Variants in KCNQ5 observed in about 807,000 individuals in gnomAD.
KCNQ5 encodes the protein potassium voltage-gated channel subfamily KQT member 5.
Under a neutral mutation model 98.2 loss-of-function variants are expected in KCNQ5, and 30 were observed. The observed-to-expected ratio is 0.31, with a 90% CI of 0.23 to 0.41. The LOEUF (loss-of-function observed/expected upper bound fraction) is 0.41, where lower values mean the gene tolerates loss of function less well. KCNQ5 is among the 10% of genes least tolerant of loss of function. The pLI is 1.00. For synonymous variants in KCNQ5, 458 were observed against 449.4 expected (o/e 1.02, Z -0.24); for missense variants, 835 against 1,182.5 (o/e 0.71, Z 4.31).
intron 5 of KCNQ5, among the ~76,000 whole-genome samples, chr6:73,097,906 G>A (rs1177536524): frequency 6.6e-6 from 1 of 152,074 alleles, no homozygotes; most frequent in Non-Finnish European, 1.5e-5. Flanking sequence ...TCCCAAGGAG[G>A]ATGGCTACAA....
intron 2 of KCNQ5, among the ~76,000 whole-genome samples, chr6:73,030,302 A>G (rs898489407): frequency 6.6e-6 from 1 of 152,214 alleles, no homozygotes; most frequent in Admixed American, 6.5e-5. Flanking sequence ...TTCTGTTAAC[A>G]GGGCCTCCTG....
At chr6:72,636,191 A>G (rs2098924028) in intron 1 of KCNQ5, among the ~76,000 whole-genome samples, 2 of 152,218 alleles carry the variant, frequency 1.3e-5, no homozygotes, top group South Asian at 4.1e-4. Flanking sequence ...TATTATATAA[A>G]AATGCACAAT....
intron 1 of KCNQ5, among the ~76,000 whole-genome samples, chr6:72,721,651 G>C (rs554768556): frequency 6.6e-6 from 1 of 152,296 alleles, no homozygotes; most frequent in South Asian, 2.1e-4. Context: ...AGGAACCTCT[G>C]TGTTATAACA....
At chr6:72,839,911 C>A (rs191676148) in intron 1 of KCNQ5, among the ~76,000 whole-genome samples, 8 of 152,150 alleles carry the variant, frequency 5.3e-5, no homozygotes, top group Admixed American at 3.9e-4. Context: ...CATATCAGTG[C>A]ATGGGTGGTT....
chr6:73,080,251 T>C (rs1475336994), intron 5 of KCNQ5, among the ~76,000 whole-genome samples: 2 of 152,188 alleles, frequency 1.3e-5, no homozygotes, highest in African/African-American at 4.8e-5. Context: ...TCTGCTAATT[T>C]GACTGACATT....
At chr6:72,637,556 T>C (rs757262031) in intron 1 of KCNQ5, among the ~76,000 whole-genome samples, 3 of 152,166 alleles carry the variant, frequency 2.0e-5, no homozygotes, top group Admixed American at 6.5e-5. Flanking sequence ...GTTAGAAATG[T>C]GTGTTCATTG....
intron 1 of KCNQ5, among the ~76,000 whole-genome samples, chr6:72,795,678 A>G (rs1182488306): frequency 2.0e-5 from 3 of 152,178 alleles, no homozygotes; most frequent in African/African-American, 7.2e-5. Context: ...TATTAAAAGC[A>G]TTTGTTGTAT....
In KCNQ5 at chr6:72,622,354, C is replaced by A. The variant is rs749183115; in HGVS notation, c.165C>A (p.Gly55=). The stretch of plus-strand genomic sequence containing the variant: ...TGCTGAACTCGGCAGCCGCCAGGGG[C>A]GACGGCCTGCTACTGCTGGGCACCC... ...RVLLNSAAAR[G]DGLLLLGTRA... is the part of the protein sequence containing the mutation. Residue 55 remains glycine, a synonymous_variant, in exon 1 of 14, where the codon GGC becomes GGA. Coordinates refer to ENST00000370398, the MANE Select transcript of KCNQ5 (RefSeq NM_019842.4). This position sits in a 1 kb window ranked among gnomAD's most constrained non-coding sequence, Gnocchi z 6.0. 5.6e-6 allele frequency: 8 copies of A among 1,433,768 alleles called. No homozygotes were observed. The highest frequency in any genetic ancestry group is 7.3e-6 in the Non-Finnish European group (8 of 1,096,630). 88.8% of individuals were successfully genotyped at this position (1,433,768 alleles called of 1,614,324 possible).
At chr6:72,643,812 T>G (rs565631816) in intron 1 of KCNQ5, among the ~76,000 whole-genome samples, 16 of 152,256 alleles carry the variant, frequency 1.1e-4, no homozygotes, top group East Asian at 7.7e-4. Context: ...AGAGATTTCT[T>G]TAATTTAGAT....
intron 2 of KCNQ5, among the ~76,000 whole-genome samples, chr6:73,005,075 A>G (rs924570589): frequency 6.6e-6 from 1 of 152,174 alleles, no homozygotes; most frequent in East Asian, 1.9e-4. Context: ...TTTCTGTGCA[A>G]TATCAGGGAG....
chr6:72,780,572 G>A (rs1663832632), intron 1 of KCNQ5, among the ~76,000 whole-genome samples: 1 of 152,194 alleles, frequency 6.6e-6, no homozygotes, highest in African/African-American at 2.4e-5. Context: ...ACAAGGAGGT[G>A]TGAGAAGGCA....
At chr6:73,015,577 A>G (rs16883160) in intron 2 of KCNQ5, among the ~76,000 whole-genome samples, 12,931 of 152,122 alleles carry the variant, frequency 0.085, 1,839 homozygotes, top group African/African-American at 0.29. Flanking sequence ...CTATGCTACC[A>G]AACTCTGTAC....
chr6:72,910,431 AT>A (rs935106576), intron 1 of KCNQ5, among the ~76,000 whole-genome samples: 2 of 152,094 alleles, frequency 1.3e-5, no homozygotes, highest in Non-Finnish European at 2.9e-5. Flanking sequence ...TAAGAATTGC[AT>A]TTTTTCTACT....
chr6:73,185,684 C>T (rs1444298291), intron 11 of KCNQ5, among the ~76,000 whole-genome samples: 1 of 152,146 alleles, frequency 6.6e-6, no homozygotes, highest in African/African-American at 2.4e-5. Context: ...AGTTTATAAA[C>T]AGCCATATAG....
At chr6:72,970,837 CA>C (rs1395287379) in intron 1 of KCNQ5, among the ~76,000 whole-genome samples, 1 of 152,158 alleles carries the variant, frequency 6.6e-6, no homozygotes, top group Admixed American at 6.5e-5. Flanking sequence ...ACACCTTATA[CA>C]AAAATTAATT....
chr6:73,165,581 G>A (rs947748), intron 10 of KCNQ5, among the ~76,000 whole-genome samples: 107,768 of 152,090 alleles, frequency 0.71, 39,484 homozygotes, highest in African/African-American at 0.88. Flanking sequence ...GGTCCACACC[G>A]TGCCAAGTGC....
chr6:72,762,165 T>C (rs1254567620), intron 1 of KCNQ5, among the ~76,000 whole-genome samples: 1 of 151,894 alleles, frequency 6.6e-6, no homozygotes, highest in Non-Finnish European at 1.5e-5. Context: ...TACCATTCCA[T>C]ATAGGAAAAA....
intron 1 of KCNQ5, chr6:72,987,790 T>G (rs1442994310): frequency 2.4e-6 from 1 of 425,372 alleles, no homozygotes; most frequent in Non-Finnish European, 4.4e-6. Context: ...CACAATTGCT[T>G]TGATTATCCC....
At chr6:73,192,417 C>A in intron 12 of KCNQ5, 148 bp from the exon 13 acceptor site, 1 of 589,974 alleles carries the variant, frequency 1.7e-6, no homozygotes, top group South Asian at 4.3e-5. Context: ...TTCAAATAAG[C>A]ATATCAACTG....
Sources: allele counts gnomAD v4.1 joint callset (sites outside exome capture counted in the v4.1 genomes callset), GRCh38; gene constraint gnomAD v4.1.1; non-coding constraint Gnocchi (gnomAD v3.1); transcripts MANE v1.5; gene names NCBI Gene and HGNC (gene_info 2026-07-23, HGNC 2026-07-21).